Variants in CAMK1D observed in about 807,000 individuals in gnomAD.
CAMK1D encodes the protein calcium/calmodulin-dependent protein kinase type 1D.
Under a neutral mutation model 47.7 loss-of-function variants are expected in CAMK1D, and 9 were observed. The ratio of observed to expected loss-of-function variants is 0.19; its 90% CI spans 0.11 to 0.33. The LOEUF is 0.33. Among genes scored for constraint, CAMK1D ranks in the 10% least tolerant of loss-of-function variants. The pLI is 1.00. For missense variants in CAMK1D, 291 were observed against 488.7 expected (o/e 0.60, Z 3.81); for synonymous variants, 184 against 184.9 (o/e 0.99, Z 0.04).
At chr10:12,638,800 G>A (rs540345924) in intron 2 of CAMK1D, among the ~76,000 whole-genome samples, 99 of 152,272 alleles carry the variant, frequency 6.5e-4, no homozygotes, top group African/African-American at 2.1e-3. Context: ...CTATAAATGT[G>A]GAAGAACAGT....
intron 2 of CAMK1D, among the ~76,000 whole-genome samples, chr10:12,587,273 G>A (rs1422158940): frequency 6.6e-6 from 1 of 152,140 alleles, no homozygotes; most frequent in Non-Finnish European, 1.5e-5. Context: ...CGCTTTCCTA[G>A]AATATACTCT....
intron 1 of CAMK1D, among the ~76,000 whole-genome samples, chr10:12,545,671 G>C (rs950817834): frequency 1.3e-5 from 2 of 151,342 alleles, no homozygotes; most frequent in Non-Finnish European, 2.9e-5. Context: ...GTGGTGGCGG[G>C]CACCTGTAAT....
chr10:12,398,202 ATTCT>A (rs1014336842), intron 1 of CAMK1D, among the ~76,000 whole-genome samples: 7 of 151,998 alleles, frequency 4.6e-5, no homozygotes, highest in African/African-American at 1.7e-4. Flanking sequence ...TTTCTACCTC[ATTCT>A]TTTTTTTTCT....
Position 12,603,262 on chromosome 10 carries a change from C to T in CAMK1D, c.224+49906C>T, listed in dbSNP as rs370014895. ...ACAGTGACCTCAAGCTCAGCATGTC[C>T]GCATTCCGGATTCCTCCTCCCCGCC... On this transcript the variant is annotated intron_variant, in intron 2 of 10. Transcript: ENST00000619168. 1.4e-4 allele frequency among the ~76,000 whole-genome samples: 21 copies of T among 152,162 alleles called. 1 individual carries two copies. The highest frequency in any genetic ancestry group is 3.9e-4 in the African/African-American group (16 of 41,520).
At position 12,620,182 on chromosome 10, in the gene CAMK1D, G is replaced by A. The variant is rs947276912; in HGVS notation, c.225-46554G>A. Among the ~76,000 whole-genome samples, 167 of 54,762 alleles carry A rather than the reference G, an allele frequency of 3.0e-3. 1 individual carries two copies. The highest frequency in any genetic ancestry group is 9.5e-3 in the African/African-American group (149 of 15,620). The allele number at this position is 54,762 out of a possible 152,430, so 35.9% of individuals were successfully genotyped here. ...GGCCTGGGCGACAGAGCGAGACTCC[G>A]TCTCAAAAAAAAAAAAAAAAAAAAA... On this transcript the variant is annotated intron_variant, in intron 2 of 10. Transcript: ENST00000619168.
At chr10:12,411,814 G>A (rs1317623497) in intron 1 of CAMK1D, among the ~76,000 whole-genome samples, 1 of 79,032 alleles carries the variant, frequency 1.3e-5, no homozygotes, top group Non-Finnish European at 2.5e-5. Context: ...TGGGCAGGCT[G>A]GTCTCCTGAC....
At chr10:12,701,759 T>G (rs751826724) in intron 3 of CAMK1D, among the ~76,000 whole-genome samples, 91 of 152,220 alleles carry the variant, frequency 6.0e-4, no homozygotes, top group Non-Finnish European at 5.9e-4. Flanking sequence ...CTATGGTTCT[T>G]TTCTCCGAGA....
chr10:12,374,851 G>A (rs183744500), intron 1 of CAMK1D, among the ~76,000 whole-genome samples: 124 of 149,060 alleles, frequency 8.3e-4, no homozygotes, highest in African/African-American at 2.9e-3. Context: ...GCTGAGGCAG[G>A]AGAATCACTT....
intron 3 of CAMK1D, among the ~76,000 whole-genome samples, chr10:12,677,221 C>T (rs10906203): frequency 0.44 from 66,619 of 151,554 alleles, 15,242 homozygotes; most frequent in Non-Finnish European, 0.48. Flanking sequence ...TCTGTGTTCC[C>T]AGAAACAGTT....
intron 3 of CAMK1D, among the ~76,000 whole-genome samples, chr10:12,719,353 G>T (rs1304986644): frequency 1.3e-5 from 2 of 150,882 alleles, no homozygotes; most frequent in East Asian, 3.9e-4. Context: ...GTTGCAGTGA[G>T]CCGAGATCAC....
intron 2 of CAMK1D, among the ~76,000 whole-genome samples, chr10:12,607,719 G>A (rs1838503248): frequency 1.3e-5 from 2 of 152,206 alleles, no homozygotes; most frequent in Admixed American, 1.3e-4. Flanking sequence ...CCAGCACTCT[G>A]GGAGGCCGCA....
At chr10:12,472,280 A>G (rs1312042122) in intron 1 of CAMK1D, among the ~76,000 whole-genome samples, 2 of 152,068 alleles carry the variant, frequency 1.3e-5, no homozygotes, top group Non-Finnish European at 2.9e-5. Context: ...TGTATAGGTT[A>G]GGCCTGGTGA....
At chr10:12,572,043 C>CA (rs140935512) in intron 2 of CAMK1D, among the ~76,000 whole-genome samples, 22,669 of 148,208 alleles carry the variant, frequency 0.15, 1,900 homozygotes, top group South Asian at 0.22. Context: ...AACTAAACCC[C>CA]CCCCCAAAAA....
At chr10:12,601,022 A>C (rs144404778) in intron 2 of CAMK1D, among the ~76,000 whole-genome samples, 181 of 152,280 alleles carry the variant, frequency 1.2e-3, no homozygotes, top group African/African-American at 4.1e-3. Context: ...ATCTTTGTCC[A>C]ATCTTCTAAT....
intron 5 of CAMK1D, among the ~76,000 whole-genome samples, chr10:12,784,014 T>C (rs566500625): frequency 6.6e-6 from 1 of 152,288 alleles, no homozygotes; most frequent in South Asian, 2.1e-4. Context: ...AGCTTAACTT[T>C]TATTTACTGG....
Position 12,753,395 on chromosome 10 carries a change from G to T in CAMK1D, c.300-7553G>T, listed in dbSNP as rs978363061. On this transcript the variant is annotated intron_variant, in intron 3 of 10. Coordinates refer to ENST00000619168, the MANE Select transcript of CAMK1D (RefSeq NM_153498.4). Reference sequence around the variant, plus strand: ...CTAGCTGGGGCTATGCCATGTCAGTGACTGGTTCATTAACCTAGGACACCT... The same window carrying T: ...CTAGCTGGGGCTATGCCATGTCAGTTACTGGTTCATTAACCTAGGACACCT... 3.3e-5 allele frequency among the ~76,000 whole-genome samples: 5 copies of T among 152,224 alleles called. No homozygotes were observed. In the East Asian group the frequency reaches 9.6e-4, roughly 29 times the overall value.
At chr10:12,542,607 TC>T (rs1240166610) in intron 1 of CAMK1D, among the ~76,000 whole-genome samples, 4 of 152,198 alleles carry the variant, frequency 2.6e-5, no homozygotes, top group African/African-American at 9.6e-5. Flanking sequence ...TTTCATCAGT[TC>T]CATTCGACTA....
intron 3 of CAMK1D, among the ~76,000 whole-genome samples, chr10:12,734,279 T>G (rs1448600672): frequency 7.5e-6 from 1 of 133,740 alleles, no homozygotes; most frequent in Non-Finnish European, 1.5e-5. Flanking sequence ...GCCGAGATCA[T>G]GCCACTGCAC....
intron 2 of CAMK1D, among the ~76,000 whole-genome samples, chr10:12,615,011 A>G (rs1384780761): frequency 6.6e-6 from 1 of 152,220 alleles, no homozygotes. Flanking sequence ...AGTGAAGATA[A>G]CGTTGGAGAT....
Sources: gnomAD v4.1 joint callset for allele counts (sites outside exome capture counted in the v4.1 genomes callset) on GRCh38, gnomAD v4.1.1 for gene constraint, MANE v1.5 for transcripts, NCBI Gene and HGNC (gene_info 2026-07-23, HGNC 2026-07-21) for gene names.